The following DNAH5 variants were observed in gnomAD, a reference collection of about 807,000 sequenced individuals.
DNAH5 encodes axonemal beta dynein heavy chain 5.
Under a neutral mutation model 518.2 loss-of-function variants are expected in DNAH5, and 372 were observed. That is an observed-to-expected ratio of 0.72 (90% CI 0.66 to 0.78). The LOEUF (loss-of-function observed/expected upper bound fraction) is 0.78, where lower values mean the gene tolerates loss of function less well. Ranked by LOEUF, DNAH5 falls within the 30% of genes least tolerant of loss-of-function variation. The pLI, the probability that DNAH5 is intolerant of heterozygous loss-of-function variation, is 0.00. For missense variants in DNAH5, 5,523 were observed against 5,687.0 expected (o/e 0.97, Z 0.93); for synonymous variants, 2,039 against 2,025.9 (o/e 1.01, Z -0.17).
At chr5:13,930,384 G>C (rs1275742970) in intron 2 of DNAH5, among the ~76,000 whole-genome samples, 1 of 151,992 alleles carries the variant, frequency 6.6e-6, no homozygotes, top group East Asian at 1.9e-4. Flanking sequence ...CTCCAACCTT[G>C]CCCAAATCCA....
At chr5:13,904,849 T>C (rs968491829) in intron 12 of DNAH5, among the ~76,000 whole-genome samples, 5 of 152,078 alleles carry the variant, frequency 3.3e-5, no homozygotes, top group Non-Finnish European at 7.4e-5. Flanking sequence ...AGATCGAGGC[T>C]GCTGTGAGCC....
intron 17 of DNAH5, among the ~76,000 whole-genome samples, chr5:13,889,529 G>T (rs562715720): frequency 6.6e-6 from 1 of 152,322 alleles, no homozygotes; most frequent in East Asian, 1.9e-4. Context: ...TGGATTTTAG[G>T]AGGGTTCCCC....
In DNAH5 at chr5:13,883,040, C is replaced by T. The variant is rs1258016856; in HGVS notation, c.3038G>A (p.Ser1013Asn). 1.9e-6 allele frequency: 3 copies of T among 1,614,160 alleles called. No individual in the cohort carries two copies. Among genetic ancestry groups the T allele is most frequent in the Non-Finnish European group, 8.5e-7 (1 of 1,180,022 alleles). Reference protein sequence around the residue: ...KQNSLPIFRASVTLAIPNIVM... With the variant: ...KQNSLPIFRANVTLAIPNIVM... Reference sequence around the variant, plus strand: ...GATGTTGGGAATGGCCAGAGTGACGCTTGCCCGGAAAATGGGCAAACTGTT... The same window carrying T: ...GATGTTGGGAATGGCCAGAGTGACGTTTGCCCGGAAAATGGGCAAACTGTT... The change falls in exon 20 of 79, where the codon AGC becomes AAC. Residue 1013 changes from serine (S) to asparagine (N), a missense_variant. By Grantham distance (46) the Ser-to-Asn change is conservative (BLOSUM62 1). Around this residue, in one of 3 missense-constraint regions of DNAH5, gnomAD observed 5,121 missense variants for 5,223.3 expected, o/e 0.98. Coordinates refer to ENST00000265104, the MANE Select transcript of DNAH5 (RefSeq NM_001369.3).
chr5:13,749,847 G>A (rs767342422), intron 65 of DNAH5, among the ~76,000 whole-genome samples: 11 of 152,130 alleles, frequency 7.2e-5, no homozygotes, highest in Non-Finnish European at 1.5e-4. Flanking sequence ...CCTCTATTGA[G>A]ATTTAACTCG....
intron 31 of DNAH5, among the ~76,000 whole-genome samples, chr5:13,845,935 T>C (rs1414227625): frequency 6.6e-6 from 1 of 151,072 alleles, no homozygotes; most frequent in Non-Finnish European, 1.5e-5. Flanking sequence ...GGTTCAAGTG[T>C]TTCTCCTGCT....
At chr5:13,970,374 T>C (rs943448829) in intron 1 of DNAH5, among the ~76,000 whole-genome samples, 1 of 152,172 alleles carries the variant, frequency 6.6e-6, no homozygotes, top group Non-Finnish European at 1.5e-5. Context: ...CATTGTGTTA[T>C]TGTTTCATAG....
rs570804428 is a variant in DNAH5 at position 13,716,768 on chromosome 5, A to G, written c.12706-78T>C. On this transcript the variant is annotated intron_variant, in intron 73 of 78. Coordinates refer to ENST00000265104, the MANE Select transcript of DNAH5 (RefSeq NM_001369.3). ...TTTCCCTGCCAAGTCACACCCATGT[A>G]TTCACTTTCAACATCATTCAGTCAG... 176 of 960,402 alleles carry G rather than the reference A, an allele frequency of 1.8e-4. 1 individual carries two copies. The Middle Eastern group carries it at 3.9e-3, about 21-fold the overall frequency. 59.5% of individuals were successfully genotyped at this position (960,402 alleles called of 1,614,324 possible).
chr5:13,735,174 C>G lies in DNAH5; in HGVS notation c.11718G>C (p.Gln3906His). The G allele has an allele frequency of 6.2e-7, 1 of 1,614,052 alleles. No individual in the cohort carries two copies. Among genetic ancestry groups the G allele is most frequent in the Non-Finnish European group, 8.5e-7 (1 of 1,179,974 alleles). The change falls in exon 68 of 79, where the codon CAG becomes CAC. Residue 3906 changes from glutamine (Q) to histidine (H), a missense_variant. Gln to His is a conservative substitution (Grantham distance 24). Around this residue, in one of 3 missense-constraint regions of DNAH5, gnomAD observed 5,121 missense variants for 5,223.3 expected, o/e 0.98. Transcript: ENST00000265104. ...TLLLTLKIDI[Q>H]RNRVKHEEFL... ...ACTCTTCATGCTTGACTCGGTTCCT[C>G]TGGATGTCAATCTTTAGGGTAAGCA...
chr5:13,717,890 G>T (rs1048033577), intron 72 of DNAH5, among the ~76,000 whole-genome samples: 3 of 151,680 alleles, frequency 2.0e-5, no homozygotes, highest in Non-Finnish European at 2.9e-5. Flanking sequence ...ATATACTTGG[G>T]GCATATACTT....
chr5:13,875,342 C>G (rs944460288), intron 22 of DNAH5, among the ~76,000 whole-genome samples: 5 of 151,896 alleles, frequency 3.3e-5, no homozygotes, highest in Admixed American at 3.3e-4. Flanking sequence ...TGGTGCATGC[C>G]TCTAATCCCA....
chr5:13,911,634 T>C, intron 11 of DNAH5, 141 bp from the exon 12 acceptor site: 2 of 704,146 alleles, frequency 2.8e-6, no homozygotes, highest in Non-Finnish European at 4.7e-6. Flanking sequence ...TTTACTCACA[T>C]TGTTTTGTGC....
rs752342800 is a variant in DNAH5 at position 13,700,700 on chromosome 5, A to G, written c.13663T>C (p.Ser4555Pro). Residue 4555 changes from serine to proline, a missense_variant, in exon 78 of 79, where the codon TCA (serine) becomes CCA (proline). Ser to Pro is a moderately conservative substitution (Grantham distance 74). This residue lies in a region of DNAH5 where 387 missense variants were observed against 430.0 expected (regional missense o/e 0.90). Coordinates refer to ENST00000265104, the MANE Select transcript of DNAH5 (RefSeq NM_001369.3). ...AACTCAAAGAGCACTTTTGGCTTTG[A>G]TTCAATGAGTTTCATGTTCCTCTTG... The part of the protein sequence containing the change: ...WDKRNMKLIE[S>P]KPKVLFELMP... 1.2e-6 allele frequency: 2 copies of G among 1,614,052 alleles called. No individual in the cohort carries two copies. Among genetic ancestry groups the G allele is most frequent in the Non-Finnish European group, 1.7e-6 (2 of 1,180,016 alleles).
chr5:13,985,284 G>C (rs185065563), intron 1 of DNAH5, among the ~76,000 whole-genome samples: 4,155 of 132,376 alleles, frequency 0.031, 183 homozygotes, highest in African/African-American at 0.11. Context: ...GTTGTAGGGT[G>C]GGGGGAGGGG....
In DNAH5 at chr5:13,737,513, T is replaced by A; in HGVS notation, c.11212-18A>T. Reference sequence around the variant, plus strand: ...TCCAATTCCTATTAATTTGCATAAATATATTTTCTACCTCAATTAACAACT... The same window carrying A: ...TCCAATTCCTATTAATTTGCATAAAAATATTTTCTACCTCAATTAACAACT... On this transcript the variant is annotated intron_variant, in intron 65 of 78. Coordinates refer to ENST00000265104, the MANE Select transcript of DNAH5 (RefSeq NM_001369.3). 6.2e-7 allele frequency: 1 copy of A among 1,612,314 alleles called. No individual in the cohort carries two copies. The highest frequency in any genetic ancestry group is 2.2e-5 in the East Asian group (1 of 44,828).
intron 1 of DNAH5, among the ~76,000 whole-genome samples, chr5:14,009,320 A>C (rs1194125556): frequency 1.3e-5 from 2 of 152,184 alleles, no homozygotes; most frequent in African/African-American, 4.8e-5. Flanking sequence ...AGCCATGCTC[A>C]CTGTATCCTT....
intron 75 of DNAH5, among the ~76,000 whole-genome samples, chr5:13,711,598 T>C (rs755555238): frequency 6.6e-6 from 1 of 152,170 alleles, no homozygotes; most frequent in Non-Finnish European, 1.5e-5. Flanking sequence ...GCTGACGATA[T>C]GATCGCTTGC....
chr5:13,825,346 A>AAAAATAAATAAATAAATAAAT (rs1554065834), intron 38 of DNAH5, among the ~76,000 whole-genome samples: 1 of 150,508 alleles, frequency 6.6e-6, no homozygotes, highest in Non-Finnish European at 1.5e-5. Context: ...TGTCTTGCAA[A>AAAAATAAATAAATAAATAAAT]AAATAAATAA....
chr5:13,923,012 A>T lies in DNAH5; in HGVS notation c.438+268T>A, dbSNP rs1900163. 1 allele frequency among the ~76,000 whole-genome samples: 152,278 copies of T among 152,278 alleles called. 76,139 individuals carry two copies. The highest frequency in any genetic ancestry group is 1 in the Non-Finnish European group (68,036 of 68,036). On this transcript the variant is annotated intron_variant, in intron 4 of 78. Coordinates refer to ENST00000265104, the MANE Select transcript of DNAH5 (RefSeq NM_001369.3). ...TAAGTAAATTATGCATGGGGAATTC[A>T]TTAGAAAAAGAAAGCCCTCACTGTT...
intron 3 of DNAH5, among the ~76,000 whole-genome samples, chr5:13,925,711 T>A (rs1309638093): frequency 1.3e-5 from 2 of 152,160 alleles, no homozygotes; most frequent in East Asian, 3.8e-4. Context: ...TCCCACCAGG[T>A]TCCTACCAAG....
Sources: gnomAD v4.1 joint callset for allele counts (sites outside exome capture counted in the v4.1 genomes callset) on GRCh38, gnomAD v4.1.1 for gene constraint, gnomAD v4.1.1 regional missense constraint, MANE v1.5 for transcripts, NCBI Gene and HGNC (gene_info 2026-07-23, HGNC 2026-07-21) for gene names.